The following FAM120B variants were observed in gnomAD, a reference collection of about 807,000 sequenced individuals.
The protein encoded by FAM120B is constitutive coactivator of peroxisome proliferator-activated receptor gamma.
A neutral mutation model predicts 96.3 loss-of-function variants in FAM120B; 83 were observed. The observed-to-expected ratio is 0.86, with a 90% CI of 0.72 to 1.03. FAM120B has a LOEUF of 1.03. Among genes scored for constraint, FAM120B ranks in the 50% least tolerant of loss-of-function variants. FAM120B has a pLI of 0.00. For missense variants in FAM120B, 1,027 were observed against 1,121.2 expected (o/e 0.92, Z 1.20); for synonymous variants, 407 against 402.7 (o/e 1.01, Z -0.13).
intron 7 of FAM120B, among the ~76,000 whole-genome samples, chr6:170,389,944 T>A (rs995497811): frequency 3.3e-5 from 5 of 152,186 alleles, no homozygotes; most frequent in African/African-American, 7.2e-5. Flanking sequence ...GGTGTAGTTA[T>A]GATTTATTAC....
At chr6:170,328,271 T>G (rs1310820702) in intron 3 of FAM120B, among the ~76,000 whole-genome samples, 1 of 152,208 alleles carries the variant, frequency 6.6e-6, no homozygotes, top group Non-Finnish European at 1.5e-5. Context: ...TTAATTTTTT[T>G]AAACTTCTTT....
At chr6:170,316,532 C>A (rs1285590868) in intron 1 of FAM120B, among the ~76,000 whole-genome samples, 3 of 152,180 alleles carry the variant, frequency 2.0e-5, no homozygotes, top group African/African-American at 7.2e-5. Flanking sequence ...TGTGCTCATA[C>A]CTTTTCCAGA....
intron 5 of FAM120B, among the ~76,000 whole-genome samples, chr6:170,353,482 A>G (rs1787708290): frequency 6.6e-6 from 1 of 152,236 alleles, no homozygotes; most frequent in Non-Finnish European, 1.5e-5. Context: ...CTTGATGAAC[A>G]TTGATGCAAA....
chr6:170,323,352 C>A, intron 3 of FAM120B, 93 bp downstream of exon 3: 1 of 1,033,930 alleles, frequency 9.7e-7, no homozygotes, highest in Non-Finnish European at 1.4e-6. Flanking sequence ...TCTTTCAAGA[C>A]ATGGAGACAA....
chr6:170,399,761 T>C (rs1407016732), intron 9 of FAM120B, among the ~76,000 whole-genome samples: 2 of 147,416 alleles, frequency 1.4e-5, no homozygotes, highest in African/African-American at 5.2e-5. Flanking sequence ...GTGAGGAAGG[T>C]AGAACTATGT....
At chr6:170,355,645 T>C (rs969052876) in intron 5 of FAM120B, among the ~76,000 whole-genome samples, 1 of 152,122 alleles carries the variant, frequency 6.6e-6, no homozygotes, top group Non-Finnish European at 1.5e-5. Flanking sequence ...GATGAGATGA[T>C]CTGTGCAGTA....
chr6:170,361,663 A>G (rs1309979372), intron 6 of FAM120B, among the ~76,000 whole-genome samples: 1 of 152,168 alleles, frequency 6.6e-6, no homozygotes, highest in Non-Finnish European at 1.5e-5. Context: ...CTTCTAGTGT[A>G]TGGTTCTAGA....
chr6:170,329,615 G>T (rs764894206), intron 3 of FAM120B, among the ~76,000 whole-genome samples: 7 of 151,820 alleles, frequency 4.6e-5, no homozygotes, highest in Non-Finnish European at 1.0e-4. Context: ...TTCTTAGAAG[G>T]TTTTGAGGTG....
At chr6:170,373,176 C>T (rs942316589) in intron 6 of FAM120B, among the ~76,000 whole-genome samples, 4 of 152,212 alleles carry the variant, frequency 2.6e-5, no homozygotes, top group African/African-American at 9.6e-5. Context: ...CCATCAGATG[C>T]CCTGGGACCC....
chr6:170,377,857 TGGG>T (rs1789653738), intron 6 of FAM120B, among the ~76,000 whole-genome samples: 1 of 77,830 alleles, frequency 1.3e-5, no homozygotes, highest in Non-Finnish European at 2.5e-5. Flanking sequence ...CCCAGATGCC[TGGG>T]AGAGCACCGG....
chr6:170,294,299 G>A (rs1343058970), upstream of FAM120B, among the ~76,000 whole-genome samples: 1 of 152,206 alleles, frequency 6.6e-6, no homozygotes, highest in Non-Finnish European at 1.5e-5. This position sits in a 1 kb window ranked among gnomAD's most constrained non-coding sequence, Gnocchi z 7.9. Context: ...TGTACAAAGT[G>A]AGGCTCATTA....
chr6:170,333,723 T>C (rs1786223379), intron 4 of FAM120B, among the ~76,000 whole-genome samples: 1 of 152,168 alleles, frequency 6.6e-6, no homozygotes, highest in Non-Finnish European at 1.5e-5. Context: ...TGGCCGCAAA[T>C]GATCCTTCCG....
intron 3 of FAM120B, among the ~76,000 whole-genome samples, chr6:170,328,386 C>T (rs1449682129): frequency 1.3e-5 from 2 of 152,198 alleles, no homozygotes; most frequent in Non-Finnish European, 2.9e-5. Context: ...CTAACCAAAT[C>T]ATGGTTTATG....
At chr6:170,366,250 C>T (rs1173369187) in intron 6 of FAM120B, among the ~76,000 whole-genome samples, 1 of 152,154 alleles carries the variant, frequency 6.6e-6, no homozygotes, top group Non-Finnish European at 1.5e-5. Flanking sequence ...CCCAGTTATC[C>T]TGGTGAGACG....
At chr6:170,327,691 A>G (rs898652674) in intron 3 of FAM120B, among the ~76,000 whole-genome samples, 361 of 136,622 alleles carry the variant, frequency 2.6e-3, no homozygotes, top group African/African-American at 9.7e-3. Flanking sequence ...GGACATGACC[A>G]TACACCGCTG....
Position 170,323,158 on chromosome 6 carries a change from A to G in FAM120B, c.1814A>G (p.Asn605Ser), listed in dbSNP as rs989788547. 3 of 1,614,048 alleles carry G rather than the reference A, an allele frequency of 1.9e-6. No homozygotes were observed. The highest frequency in any genetic ancestry group is 2.5e-6 in the Non-Finnish European group (3 of 1,180,044). The stretch of plus-strand genomic sequence containing the variant: ...AGCAGTGGAGAGATTGAATGCAGCA[A>G]CACCCTAGAAGATGAGCTTGACCAG... ...IMSSGEIECS[N>S]TLEDELDQAL... The change falls in exon 3 of 11, where the codon AAC becomes AGC. Residue 605 changes from asparagine (N) to serine (S), a missense_variant. Around this residue, in one of 3 missense-constraint regions of FAM120B, gnomAD observed 880 missense variants for 980.9 expected, o/e 0.90. Coordinates refer to ENST00000476287, the MANE Select transcript of FAM120B (RefSeq NM_032448.3).
At chr6:170,386,143 G>GT (rs1234683849) in intron 6 of FAM120B, among the ~76,000 whole-genome samples, 1 of 152,254 alleles carries the variant, frequency 6.6e-6, no homozygotes, top group Non-Finnish European at 1.5e-5. Flanking sequence ...GTCAGTGTGG[G>GT]TTTGCCGATT....
chr6:170,377,212 G>A (rs1258265427), intron 6 of FAM120B, among the ~76,000 whole-genome samples: 4 of 101,370 alleles, frequency 3.9e-5, no homozygotes, highest in Non-Finnish European at 7.4e-5. Flanking sequence ...CACGCTGCTC[G>A]GTGCTGTGCA....
intron 4 of FAM120B, among the ~76,000 whole-genome samples, chr6:170,338,971 G>A (rs893371706): frequency 1.3e-5 from 2 of 150,424 alleles, no homozygotes; most frequent in African/African-American, 2.4e-5. Flanking sequence ...GTCTTGACTC[G>A]TTATCCAAAT....
Sources: gnomAD v4.1 joint callset for allele counts (sites outside exome capture counted in the v4.1 genomes callset) on GRCh38, gnomAD v4.1.1 for gene constraint, gnomAD v4.1.1 regional missense constraint, Gnocchi (gnomAD v3.1) non-coding constraint, MANE v1.5 for transcripts, NCBI Gene and HGNC (gene_info 2026-07-23, HGNC 2026-07-21) for gene names.